Variants in SMCHD1 observed in about 807,000 individuals in gnomAD.
SMCHD1 encodes the protein structural maintenance of chromosomes flexible hinge domain-containing protein 1.
In SMCHD1, 78 loss-of-function variants were observed where a neutral mutation model predicts 254.7. That is an observed-to-expected ratio of 0.31 (90% confidence interval 0.26 to 0.37). The LOEUF is 0.37. Among genes scored for constraint, SMCHD1 ranks in the 10% least tolerant of loss-of-function variants. The probability of loss-of-function intolerance (pLI) is 1.00; values close to 1 mark genes in which losing one functional copy is unlikely to be tolerated. For synonymous variants in SMCHD1, 766 were observed against 794.9 expected (o/e 0.96, Z 0.61); for missense variants, 1,840 against 2,408.1 (o/e 0.76, Z 4.94).
intron 25 of SMCHD1, among the ~76,000 whole-genome samples, chr18:2,738,088 G>C (rs2075283048): frequency 6.6e-6 from 1 of 152,086 alleles, no homozygotes; most frequent in Non-Finnish European, 1.5e-5. Flanking sequence ...TTAATCACAT[G>C]ATCTGATTTA....
chr18:2,674,613 C>A (rs767575220), intron 5 of SMCHD1, among the ~76,000 whole-genome samples: 1 of 152,066 alleles, frequency 6.6e-6, no homozygotes, highest in Non-Finnish European at 1.5e-5. Context: ...TAGAAAATAT[C>A]CTGAATGAGG....
rs563863048 is a variant in SMCHD1 at position 2,698,153 on chromosome 18, T to A, written c.1342+112T>A. The A allele has an allele frequency of 5.0e-5, 38 of 764,188 alleles. 1 individual carries two copies. The South Asian group carries it at 7.9e-4, about 16-fold the overall frequency. The allele number at this position is 764,188 out of a possible 1,614,324, so 47.3% of individuals were successfully genotyped here. ...TATTCAGGTTAGATAAATATTAAAT[T>A]TTTTCTTATGCAAGTCTTAGATTGT... On this transcript the variant is annotated intron_variant, in intron 10 of 47. Transcript: ENST00000320876.
chr18:2,729,477 TAAC>T, intron 24 of SMCHD1, 68 bp downstream of exon 24: 1 of 1,199,000 alleles, frequency 8.3e-7, no homozygotes, highest in Non-Finnish European at 1.1e-6. Context: ...AACTGCTTAA[TAAC>T]ATTTTTTGCA....
intron 19 of SMCHD1, among the ~76,000 whole-genome samples, chr18:2,721,241 T>C (rs1272160909): frequency 6.6e-6 from 1 of 152,178 alleles, no homozygotes; most frequent in African/African-American, 2.4e-5. Flanking sequence ...CTTACTCATA[T>C]GTTCTTTGGC....
chr18:2,754,929 C>T (rs901461484), intron 34 of SMCHD1, among the ~76,000 whole-genome samples: 1 of 151,736 alleles, frequency 6.6e-6, no homozygotes, highest in South Asian at 2.1e-4. Context: ...TGAGGTCCAT[C>T]GTAAATGATA....
intron 45 of SMCHD1, among the ~76,000 whole-genome samples, chr18:2,792,970 G>C (rs16943785): frequency 0.2 from 31,013 of 152,002 alleles, 3,423 homozygotes; most frequent in South Asian, 0.35. Context: ...CCTCTTCCTG[G>C]GTGGGTTATT....
At position 2,732,360 on chromosome 18, in the gene SMCHD1, G is replaced by C. The variant is rs1244281042; in HGVS notation, c.3144G>C (p.Lys1048Asn). The C allele has an allele frequency of 6.2e-7, 1 of 1,613,774 alleles. No homozygotes were observed. The highest frequency in any genetic ancestry group is 8.5e-7 in the Non-Finnish European group (1 of 1,179,806). The change falls in exon 25 of 48, where the codon AAG becomes AAC. Residue 1048 changes from lysine (K) to asparagine (N), a missense_variant. Lys to Asn is a moderately conservative substitution (Grantham distance 94). This residue lies in a region of SMCHD1 where 881 missense variants were observed against 1,009.5 expected (regional missense o/e 0.87). Transcript: ENST00000320876. ...AAATATTCAGTGTAGAAGGACAAAA[G>C]GCAATTCAGATCAAACATCAGGATG... is the stretch of plus-strand genomic sequence containing the variant. ...RLQIFSVEGQ[K>N]AIQIKHQDEV...
rs572853025 is a variant in SMCHD1 at position 2,720,593 on chromosome 18, C to T, written c.2459-1926C>T. On this transcript the variant is annotated intron_variant, in intron 19 of 47. Coordinates refer to ENST00000320876, the MANE Select transcript of SMCHD1 (RefSeq NM_015295.3). ...TGTCTCTTTGGCTATTCAGATTCCC[C>T]GGAGTGGAGCCTTTCAGTCACCTGC... Among the ~76,000 whole-genome samples, 17 of 152,220 alleles carry T rather than the reference C, an allele frequency of 1.1e-4. No homozygotes were observed. The East Asian group carries it at 2.1e-3, about 19-fold the overall frequency.
chr18:2,733,890 C>T (rs773629624), intron 25 of SMCHD1, among the ~76,000 whole-genome samples: 9 of 152,172 alleles, frequency 5.9e-5, no homozygotes, highest in Non-Finnish European at 1.2e-4. Flanking sequence ...AAGCATTCCT[C>T]CATGTCTGGA....
chr18:2,692,778 A>G (rs1214583543), intron 7 of SMCHD1, among the ~76,000 whole-genome samples: 1 of 152,168 alleles, frequency 6.6e-6, no homozygotes, highest in Admixed American at 6.5e-5. Flanking sequence ...ACATAATAGC[A>G]TATTGTTTTG....
chr18:2,662,041 C>T (rs1399802972), intron 1 of SMCHD1, among the ~76,000 whole-genome samples: 1 of 141,080 alleles, frequency 7.1e-6, no homozygotes, highest in African/African-American at 3.1e-5. Context: ...CGCCTGTAGT[C>T]CCAGCTACTC....
In SMCHD1 at chr18:2,656,185, A is replaced by T; in HGVS notation, c.110A>T (p.Glu37Val). ...TACTTGTTTGATCGGCGCGAAAAGG[A>T]GTCCGAGCTCGGGGACCGGCCTCTG... Reference protein sequence around the residue: ...TVYLFDRREKESELGDRPLQV... With the variant: ...TVYLFDRREKVSELGDRPLQV... Residue 37 changes from glutamate (E) to valine (V), a missense_variant, in exon 1 of 48, where the codon GAG becomes GTG. By Grantham distance (121) the Glu-to-Val change is moderately radical (BLOSUM62 -2). This residue lies in a region of SMCHD1 where 115 missense variants were observed against 99.1 expected (regional missense o/e 1.16). Transcript: ENST00000320876. 1.3e-6 allele frequency: 2 copies of T among 1,506,416 alleles called. No individual in the cohort carries two copies. Among genetic ancestry groups the T allele is most frequent in the Non-Finnish European group, 1.8e-6 (2 of 1,132,350 alleles). The allele number at this position is 1,506,416 out of a possible 1,614,324, so 93.3% of individuals were successfully genotyped here.
At chr18:2,802,237 A>T (rs2076376567) in intron 47 of SMCHD1, among the ~76,000 whole-genome samples, 2 of 152,150 alleles carry the variant, frequency 1.3e-5, no homozygotes, top group Admixed American at 1.3e-4. Context: ...TGAAAGGAAA[A>T]ATCTGCAGAA....
chr18:2,775,655 T>A, intron 41 of SMCHD1, 79 bp from the exon 42 acceptor site: 34 of 1,235,854 alleles, frequency 2.8e-5, no homozygotes, highest in East Asian at 5.8e-5. Context: ...TTTTGTTACC[T>A]AGGCTTGGGC....
intron 41 of SMCHD1, among the ~76,000 whole-genome samples, chr18:2,774,277 T>C (rs1434647186): frequency 6.6e-6 from 1 of 152,240 alleles, no homozygotes; most frequent in Non-Finnish European, 1.5e-5. Flanking sequence ...CCTCTACTAA[T>C]TCTTTCTCCA....
intron 22 of SMCHD1, 145 bp from the exon 23 acceptor site, chr18:2,728,312 T>G (rs2075064540): frequency 4.1e-6 from 3 of 738,912 alleles, no homozygotes; most frequent in Non-Finnish European, 6.4e-6. Context: ...TGAAACTGAT[T>G]AAGCATGGAC....
At chr18:2,711,607 C>T (rs2074674309) in intron 17 of SMCHD1, among the ~76,000 whole-genome samples, 2 of 149,926 alleles carry the variant, frequency 1.3e-5, no homozygotes, top group East Asian at 2.0e-4. Context: ...CTCAGCCTCC[C>T]AAGTAGCTGG....
intron 1 of SMCHD1, among the ~76,000 whole-genome samples, chr18:2,658,629 T>C (rs1044392150): frequency 1.3e-5 from 2 of 152,142 alleles, no homozygotes. Context: ...AGGCTAACTT[T>C]TTTGTTGTTA....
At chr18:2,788,345 C>T (rs989159391) in intron 45 of SMCHD1, among the ~76,000 whole-genome samples, 2 of 152,136 alleles carry the variant, frequency 1.3e-5, no homozygotes, top group African/African-American at 4.8e-5. Flanking sequence ...ATCGTATTTA[C>T]TGCTGTTATC....
Sources: allele counts gnomAD v4.1 joint callset (sites outside exome capture counted in the v4.1 genomes callset), GRCh38; gene constraint gnomAD v4.1.1; regional missense constraint gnomAD v4.1.1; transcripts MANE v1.5; gene names NCBI Gene and HGNC (gene_info 2026-07-23, HGNC 2026-07-21).